Variants in C13orf42 observed in about 807,000 individuals in gnomAD.
C13orf42 encodes chromosome 13 open reading frame 42, also known as uncharacterized protein C13orf42.
chr13:51,138,178 C>G (rs943965273), intron 1 of C13orf42, among the ~76,000 whole-genome samples: 5 of 152,194 alleles, frequency 3.3e-5, no homozygotes, highest in African/African-American at 1.2e-4. Flanking sequence ...AGAGCTACAC[C>G]TACAAAATGG....
intron 1 of C13orf42, among the ~76,000 whole-genome samples, chr13:51,155,052 T>C (rs1211760305): frequency 6.6e-6 from 1 of 152,230 alleles, no homozygotes; most frequent in East Asian, 1.9e-4. Context: ...AATATATATC[T>C]AATACCTCAA....
chr13:51,090,488 T>C (rs1483294528), intron 1 of C13orf42, among the ~76,000 whole-genome samples: 1 of 152,188 alleles, frequency 6.6e-6, no homozygotes, highest in Non-Finnish European at 1.5e-5. Context: ...GCAAGGTCCA[T>C]GGTGGTTTTG....
chr13:51,096,752 T>C (rs927084922), intron 1 of C13orf42, among the ~76,000 whole-genome samples: 1 of 152,220 alleles, frequency 6.6e-6, no homozygotes, highest in African/African-American at 2.4e-5. Flanking sequence ...TTTGACTTCG[T>C]AATTTGTTAG....
intron 1 of C13orf42, among the ~76,000 whole-genome samples, chr13:51,158,248 CATGG>C (rs780903713): frequency 6.6e-6 from 1 of 152,316 alleles, no homozygotes; most frequent in East Asian, 1.9e-4. Flanking sequence ...CTATGCTATG[CATGG>C]ATGAGGGGTG....
At chr13:51,137,057 G>C (rs955461220) in intron 1 of C13orf42, among the ~76,000 whole-genome samples, 3 of 152,188 alleles carry the variant, frequency 2.0e-5, no homozygotes, top group Non-Finnish European at 4.4e-5. Flanking sequence ...ATAAGGAAGA[G>C]GAGCTGTGTG....
At chr13:51,105,424 G>A (rs1036716097) in intron 1 of C13orf42, among the ~76,000 whole-genome samples, 3 of 152,228 alleles carry the variant, frequency 2.0e-5, no homozygotes, top group Non-Finnish European at 2.9e-5. Context: ...TAAGGGACAA[G>A]TGAGTGATAT....
At chr13:51,125,246 G>C (rs964331908) in intron 1 of C13orf42, among the ~76,000 whole-genome samples, 1 of 152,172 alleles carries the variant, frequency 6.6e-6, no homozygotes, top group Non-Finnish European at 1.5e-5. Context: ...ATTGGCAAAC[G>C]TGTCTATCCT....
At chr13:51,114,036 G>A (rs1953461686), upstream of C13orf42, among the ~76,000 whole-genome samples, 1 of 152,222 alleles carries the variant, frequency 6.6e-6, no homozygotes, top group Non-Finnish European at 1.5e-5. Flanking sequence ...AATGTAAAGT[G>A]CAGAACCCCA....
chr13:51,128,302 G>A (rs1450845366), intron 1 of C13orf42, among the ~76,000 whole-genome samples: 3 of 152,186 alleles, frequency 2.0e-5, no homozygotes, highest in Admixed American at 6.5e-5. Flanking sequence ...TCTCTTGTGC[G>A]AGATCCAAGA....
At position 51,088,031 on chromosome 13, in the gene C13orf42, G is replaced by A. The variant is rs752290346; in HGVS notation, c.459C>T (p.Ala153=). ...KKYSQFSADV[A]EAIAFFDSII... is the part of the protein sequence containing the mutation. ...TGGAGTCAAAGAAGGCAATGGCCTC[G>A]GCCACATCAGCACTGAACTGCGAGT... The change falls in exon 2 of 4, where the codon GCC becomes GCT. Residue 153 remains alanine, a synonymous_variant. Transcript: ENST00000563710. 4.0e-5 allele frequency: 16 copies of A among 398,664 alleles called. No homozygotes were observed. The highest frequency in any genetic ancestry group is 1.2e-3 in the Middle Eastern group (2 of 1,610). 24.7% of individuals were successfully genotyped at this position (398,664 alleles called of 1,614,324 possible). A position where few individuals can be genotyped will look rare whatever the true frequency, so the allele number is the denominator to read the frequency against.
chr13:51,163,465 T>C (rs1002513058), intron 1 of C13orf42, among the ~76,000 whole-genome samples: 7 of 152,104 alleles, frequency 4.6e-5, no homozygotes, highest in Non-Finnish European at 8.8e-5. Flanking sequence ...CCAGGGTGTT[T>C]TGAGGACTTA....
At chr13:51,129,432 G>A (rs531768200) in intron 1 of C13orf42, among the ~76,000 whole-genome samples, 1 of 152,274 alleles carries the variant, frequency 6.6e-6, no homozygotes, top group Non-Finnish European at 1.5e-5. Flanking sequence ...CTTGAGAGCT[G>A]ATGGGATGGC....
intron 1 of C13orf42, among the ~76,000 whole-genome samples, chr13:51,153,624 TTTTTTC>T (rs1361417251): frequency 1.4e-5 from 2 of 142,144 alleles, no homozygotes; most frequent in East Asian, 2.1e-4. Context: ...GCTTTCTGTT[TTTTTTC>T]TTTTTTTTTT....
chr13:51,146,224 G>C (rs1186391215), intron 1 of C13orf42, among the ~76,000 whole-genome samples: 2 of 151,924 alleles, frequency 1.3e-5, no homozygotes, highest in African/African-American at 4.8e-5. Context: ...CCCAAGCTTT[G>C]ATACCCAAAG....
chr13:51,170,286 T>C (rs984544044), intron 1 of C13orf42, among the ~76,000 whole-genome samples: 4 of 152,184 alleles, frequency 2.6e-5, no homozygotes, highest in Non-Finnish European at 4.4e-5. Context: ...AAAGCCTGTT[T>C]GGTGGTCTCT....
chr13:51,126,938 G>A (rs1472978725), intron 1 of C13orf42, among the ~76,000 whole-genome samples: 1 of 152,218 alleles, frequency 6.6e-6, no homozygotes, highest in Non-Finnish European at 1.5e-5. Flanking sequence ...GCCAAGGCAG[G>A]TGGATTCTTT....
At chr13:51,128,139 C>T (rs1170002941) in intron 1 of C13orf42, among the ~76,000 whole-genome samples, 1 of 152,196 alleles carries the variant, frequency 6.6e-6, no homozygotes, top group East Asian at 1.9e-4. Context: ...CATGAATAAT[C>T]CACCCCTTGT....
At chr13:51,157,879 A>G (rs182984790) in intron 1 of C13orf42, among the ~76,000 whole-genome samples, 11 of 152,346 alleles carry the variant, frequency 7.2e-5, no homozygotes, top group African/African-American at 2.6e-4. Context: ...AATCTCTCAG[A>G]GGATTTGTAA....
intron 1 of C13orf42, among the ~76,000 whole-genome samples, chr13:51,128,684 G>T (rs1228199105): frequency 6.6e-6 from 1 of 152,172 alleles, no homozygotes; most frequent in Non-Finnish European, 1.5e-5. Flanking sequence ...TGGCACTATG[G>T]GATGTTAACT....
Sources: gnomAD v4.1 joint callset for allele counts (sites outside exome capture counted in the v4.1 genomes callset) on GRCh38, gnomAD v4.1.1 for gene constraint, MANE v1.5 for transcripts, NCBI Gene and HGNC (gene_info 2026-07-23, HGNC 2026-07-21) for gene names.